The following TRIM37 variants were observed in gnomAD, a reference collection of about 807,000 sequenced individuals.
TRIM37 encodes E3 ubiquitin-protein ligase TRIM37.
Under a neutral mutation model 129.8 loss-of-function variants are expected in TRIM37, and 80 were observed. That is an observed-to-expected ratio of 0.62 (90% CI 0.51 to 0.74). The LOEUF (loss-of-function observed/expected upper bound fraction) is 0.74, where lower values mean the gene tolerates loss of function less well. TRIM37 is among the 30% of genes least tolerant of loss of function. The pLI is 0.00. For synonymous variants in TRIM37, 389 were observed against 387.1 expected (o/e 1.00, Z -0.06); for missense variants, 1,054 against 1,176.5 (o/e 0.90, Z 1.52).
Position 58,998,626 on chromosome 17 carries a change from T to G in TRIM37, c.*751A>C. The G allele has an allele frequency of 1.0e-6, 1 of 985,376 alleles. No homozygotes were observed. Among genetic ancestry groups the G allele is most frequent in the Non-Finnish European group, 1.2e-6 (1 of 829,896 alleles). The allele number at this position is 985,376 out of a possible 1,614,324, so 61.0% of individuals were successfully genotyped here. On this transcript the variant is annotated 3_prime_UTR_variant, in exon 24 of 24. Coordinates refer to ENST00000262294, the MANE Select transcript of TRIM37 (RefSeq NM_015294.6). ...GAAAAGGGGGCTTTAAAATATTTGTTGCACTACAGTCGTATAGTAAGAGGC... is the reference window on the plus strand; with the variant it reads ...GAAAAGGGGGCTTTAAAATATTTGTGGCACTACAGTCGTATAGTAAGAGGC...
At chr17:59,105,409 G>A (rs1416851114) in intron 1 of TRIM37, among the ~76,000 whole-genome samples, 1 of 152,060 alleles carries the variant, frequency 6.6e-6, no homozygotes, top group Non-Finnish European at 1.5e-5. Context: ...ACAAAAATAT[G>A]TAAATACAAG....
intron 19 of TRIM37, among the ~76,000 whole-genome samples, chr17:59,021,595 G>C (rs1288503664): frequency 6.6e-6 from 1 of 152,088 alleles, no homozygotes; most frequent in African/African-American, 2.4e-5. Flanking sequence ...CTGAACTCAA[G>C]ATAATACAGC....
At chr17:59,018,722 G>A (rs1182941254) in intron 19 of TRIM37, among the ~76,000 whole-genome samples, 1 of 140,304 alleles carries the variant, frequency 7.1e-6, no homozygotes, top group African/African-American at 2.6e-5. Flanking sequence ...TAGTAGCTGT[G>A]TTTTTTTTTT....
intron 3 of TRIM37, among the ~76,000 whole-genome samples, chr17:59,089,208 C>G (rs1393880726): frequency 6.6e-6 from 1 of 152,040 alleles, no homozygotes; most frequent in Non-Finnish European, 1.5e-5. Flanking sequence ...GAGCCAAGAT[C>G]ATGCCTCTGC....
chr17:59,049,117 C>T (rs959951677), intron 15 of TRIM37, 61 bp downstream of exon 15: 8 of 1,362,570 alleles, frequency 5.9e-6, no homozygotes, highest in Admixed American at 1.7e-5. Context: ...ATGTTAAAAG[C>T]CATGATGCTA....
chr17:58,969,389 C>T, the TRIM37 span: 140 of 779,790 alleles, frequency 1.8e-4, no homozygotes, highest in African/African-American at 2.2e-3. Context: ...GTTGATCAGG[C>T]ATGTTAGAGA....
At chr17:59,100,955 G>C (rs2045400020) in intron 2 of TRIM37, among the ~76,000 whole-genome samples, 1 of 150,966 alleles carries the variant, frequency 6.6e-6, no homozygotes, top group African/African-American at 2.4e-5. Context: ...CCAGGAGATG[G>C]AGGTTGCAGT....
rs1314783540 is a variant in TRIM37, at chr17:59,098,950, C to T, written c.123+5343G>A. The stretch of plus-strand genomic sequence containing the variant: ...CTGTAATCCCAGCACTTTGGGAGGC[C>T]AAGGAGGGTGGATCACCAGGTCAAG... On this transcript the variant is annotated intron_variant, in intron 2 of 23. Coordinates refer to ENST00000262294, the MANE Select transcript of TRIM37 (RefSeq NM_015294.6). Among the ~76,000 whole-genome samples, 8 of 152,200 alleles carry T rather than the reference C, an allele frequency of 5.3e-5. No individual in the cohort carries two copies. The East Asian group carries it at 1.5e-3, about 29-fold the overall frequency.
chr17:59,065,987 G>A (rs1042284100), intron 9 of TRIM37, among the ~76,000 whole-genome samples: 3 of 152,134 alleles, frequency 2.0e-5, no homozygotes, highest in African/African-American at 4.8e-5. Context: ...GATATCCCTA[G>A]TCAGTTGTTA....
intron 24 of TRIM37, among the ~76,000 whole-genome samples, chr17:58,992,647 T>C (rs2032567610): frequency 6.6e-6 from 1 of 152,198 alleles, no homozygotes; most frequent in Non-Finnish European, 1.5e-5. Flanking sequence ...CCCAAAGTGC[T>C]GGGATTACAG....
At chr17:59,045,021 A>G (rs1266543283) in intron 16 of TRIM37, among the ~76,000 whole-genome samples, 1 of 151,360 alleles carries the variant, frequency 6.6e-6, no homozygotes, top group Non-Finnish European at 1.5e-5. Flanking sequence ...ACAAAGCCAG[A>G]TTCTCTTAGG....
chr17:59,034,750 CT>C (rs2038274861), intron 17 of TRIM37, among the ~76,000 whole-genome samples: 1 of 152,118 alleles, frequency 6.6e-6, no homozygotes, highest in African/African-American at 2.4e-5. Flanking sequence ...TCTTTCCAAG[CT>C]ATTCTGTGTG....
chr17:59,035,498 A>T (rs965898554), intron 17 of TRIM37, among the ~76,000 whole-genome samples: 2 of 151,998 alleles, frequency 1.3e-5, no homozygotes, highest in Non-Finnish European at 1.5e-5. Context: ...TCACGCCTGT[A>T]ATCCCAGCAC....
intron 24 of TRIM37, among the ~76,000 whole-genome samples, chr17:58,990,358 G>A (rs903114882): frequency 6.6e-6 from 1 of 151,864 alleles, no homozygotes; most frequent in African/African-American, 2.4e-5. Flanking sequence ...AAGCATGGTG[G>A]TGCACGCCTG....
intron 8 of TRIM37, among the ~76,000 whole-genome samples, chr17:59,071,283 CTTT>C (rs962225941): frequency 2.5e-5 from 3 of 121,296 alleles, no homozygotes; most frequent in Admixed American, 8.5e-5. Flanking sequence ...AAGTTGAAAG[CTTT>C]TTTTTTTTTT....
chr17:59,007,217 C>CACACA (rs1291295818), intron 22 of TRIM37, among the ~76,000 whole-genome samples: 2 of 17,134 alleles, frequency 1.2e-4, no homozygotes, highest in Admixed American at 6.6e-4. Context: ...TAAAACCACC[C>CACACA]CACCCCCACC....
In TRIM37 at chr17:59,088,315, T is replaced by G; in HGVS notation, c.257A>C (p.Lys86Thr). 1 of 1,612,518 alleles carries G rather than the reference T, an allele frequency of 6.2e-7. No homozygotes were observed. The highest frequency in any genetic ancestry group is 8.5e-7 in the Non-Finnish European group (1 of 1,178,760). ...CTTGTCCTTTTCATTTTCTTCATGT[T>G]TGGTGAGACTGCAGAGTTGAAGAGT... ...LDTLQLCSLT[K>T]HEENEKDKCE... The change falls in exon 4 of 24, where the codon AAA becomes ACA. Residue 86 changes from lysine (K) to threonine (T), a missense_variant. Transcript: ENST00000262294.
At chr17:58,987,791 TA>T (rs1458960577) in intron 24 of TRIM37, among the ~76,000 whole-genome samples, 1 of 152,164 alleles carries the variant, frequency 6.6e-6, no homozygotes, top group Non-Finnish European at 1.5e-5. Context: ...AAAAACTAGA[TA>T]AAAAAATTAA....
intron 22 of TRIM37, among the ~76,000 whole-genome samples, chr17:59,009,930 C>T (rs187197105): frequency 1.9e-3 from 295 of 152,260 alleles, no homozygotes; most frequent in Non-Finnish European, 1.7e-3. Flanking sequence ...ATTTTTATTA[C>T]GTATCTCATT....
Sources: allele counts gnomAD v4.1 joint callset (sites outside exome capture counted in the v4.1 genomes callset), GRCh38; gene constraint gnomAD v4.1.1; transcripts MANE v1.5; gene names NCBI Gene and HGNC (gene_info 2026-07-23, HGNC 2026-07-21).